Variants in METTL15 observed in about 807,000 individuals in gnomAD.
METTL15 encodes methyltransferase 15, mitochondrial 12S rRNA N4-cytidine.
In METTL15, 34 loss-of-function variants were observed where a neutral mutation model predicts 38.3. The ratio of observed to expected loss-of-function variants is 0.89; its 90% CI spans 0.68 to 1.18. The LOEUF (loss-of-function observed/expected upper bound fraction) is 1.18, where lower values mean the gene tolerates loss of function less well. Ranked by LOEUF, METTL15 falls within the 50% of genes most tolerant of loss-of-function variation. The pLI is 0.00. For synonymous variants in METTL15, 162 were observed against 170.9 expected, an observed-to-expected ratio of 0.95 and a Z score of 0.41; for missense variants, 438 against 498.4, an observed-to-expected ratio of 0.88 and a Z score of 1.15.
intron 4 of METTL15, among the ~76,000 whole-genome samples, chr11:28,251,495 G>T (rs536046378): frequency 6.6e-6 from 1 of 151,922 alleles, no homozygotes; most frequent in Non-Finnish European, 1.5e-5. Context: ...AGTCGTTACT[G>T]CAGGGCTCTG....
At chr11:28,378,157 G>T (rs980799779) in intron 5 of METTL15, among the ~76,000 whole-genome samples, 8 of 152,174 alleles carry the variant, frequency 5.3e-5, no homozygotes, top group Non-Finnish European at 1.2e-4. Context: ...AGGCAGGCAG[G>T]CCTCCTTGAG....
At chr11:28,422,688 A>G (rs1007263357) in intron 5 of METTL15, among the ~76,000 whole-genome samples, 35 of 152,080 alleles carry the variant, frequency 2.3e-4, no homozygotes, top group African/African-American at 8.4e-4. Context: ...CATATACAAA[A>G]ATAAAATCAA....
intron 4 of METTL15, among the ~76,000 whole-genome samples, chr11:28,273,007 A>G (rs1377441249): frequency 6.6e-6 from 1 of 152,194 alleles, no homozygotes. Flanking sequence ...CAACGTTTCT[A>G]TAATGATAAA....
intron 3 of METTL15, among the ~76,000 whole-genome samples, chr11:28,182,049 A>G (rs909673211): frequency 6.6e-6 from 1 of 152,124 alleles, no homozygotes; most frequent in Non-Finnish European, 1.5e-5. Context: ...GGCTGCATAA[A>G]TGTCTTCTCT....
chr11:28,174,603 A>G (rs1850982764), intron 3 of METTL15, among the ~76,000 whole-genome samples: 1 of 151,876 alleles, frequency 6.6e-6, no homozygotes, highest in Non-Finnish European at 1.5e-5. Flanking sequence ...TCACGAGGTC[A>G]GGAGATTGAG....
intron 3 of METTL15, among the ~76,000 whole-genome samples, chr11:28,190,670 A>T (rs1851668239): frequency 6.6e-6 from 1 of 151,242 alleles, no homozygotes; most frequent in Admixed American, 6.6e-5. Context: ...GCTTAGTATG[A>T]TGCTTATATA....
At chr11:28,410,090 CA>C (rs1425563985) in intron 5 of METTL15, among the ~76,000 whole-genome samples, 1 of 152,034 alleles carries the variant, frequency 6.6e-6, no homozygotes, top group African/African-American at 2.4e-5. Flanking sequence ...TTGAACATAT[CA>C]ATAACAAATA....
At chr11:28,181,137 C>T (rs1393573624) in intron 3 of METTL15, among the ~76,000 whole-genome samples, 7 of 150,556 alleles carry the variant, frequency 4.6e-5, no homozygotes, top group African/African-American at 1.2e-4. Context: ...AATGAGTAGT[C>T]GATTATAAAA....
chr11:28,134,398 GCT>G, intron 3 of METTL15: 1 of 395,974 alleles, frequency 2.5e-6, no homozygotes, highest in Admixed American at 4.4e-5. Flanking sequence ...GCGTATGTGG[GCT>G]CTTAGTTGGC....
intron 3 of METTL15, among the ~76,000 whole-genome samples, chr11:28,349,298 C>G (rs1364280503): frequency 4.6e-5 from 7 of 152,140 alleles, no homozygotes; most frequent in Non-Finnish European, 7.4e-5. Flanking sequence ...GGCCACCACA[C>G]CCCTTGCAGG....
chr11:28,117,530 A>T (rs1032237262), intron 3 of METTL15, among the ~76,000 whole-genome samples: 1 of 151,732 alleles, frequency 6.6e-6, no homozygotes, highest in Non-Finnish European at 1.5e-5. Context: ...CAAGTGGAAT[A>T]AAATTAGATA....
Position 28,113,313 on chromosome 11 carries a change from T to C in METTL15, c.-17-5T>C, listed in dbSNP as rs774489896. On this transcript the variant is annotated splice_region_variant and splice_polypyrimidine_tract_variant and intron_variant, in intron 2 of 6. Transcript: ENST00000407364. ...CAACAATCATATTTTAATTTTTTTTTCTAGATTTGTTTACCTACAAAATGC... is the reference window on the plus strand; with the variant it reads ...CAACAATCATATTTTAATTTTTTTTCCTAGATTTGTTTACCTACAAAATGC... The C allele has an allele frequency of 2.6e-6, 4 of 1,514,410 alleles. No individual in the cohort carries two copies. Among genetic ancestry groups the C allele is most frequent in the African/African-American group, 2.8e-5 (2 of 71,212 alleles). 93.8% of individuals were successfully genotyped at this position (1,514,410 alleles called of 1,614,324 possible).
chr11:28,367,734 C>A (rs1277513529), intron 5 of METTL15, among the ~76,000 whole-genome samples: 1 of 152,100 alleles, frequency 6.6e-6, no homozygotes, highest in African/African-American at 2.4e-5. Flanking sequence ...TAGCATGGTA[C>A]TGGTACCAAA....
chr11:28,241,538 A>G (rs1279686763), intron 4 of METTL15, among the ~76,000 whole-genome samples: 1 of 151,818 alleles, frequency 6.6e-6, no homozygotes, highest in Non-Finnish European at 1.5e-5. Flanking sequence ...CGTCTCAAAA[A>G]AAGAAAAAAA....
chr11:28,514,936 G>T (rs2133504636), intron 6 of METTL15, among the ~76,000 whole-genome samples: 1 of 152,336 alleles, frequency 6.6e-6, no homozygotes, highest in East Asian at 1.9e-4. Flanking sequence ...ATGCATTTGT[G>T]AAGAGCATAT....
At chr11:28,169,828 T>G (rs1320012490) in intron 3 of METTL15, among the ~76,000 whole-genome samples, 1 of 152,108 alleles carries the variant, frequency 6.6e-6, no homozygotes, top group Non-Finnish European at 1.5e-5. Flanking sequence ...ATAAGAATAA[T>G]TCTATTCTCT....
chr11:28,349,124 T>G (rs562214643), intron 3 of METTL15, among the ~76,000 whole-genome samples: 1 of 152,238 alleles, frequency 6.6e-6, no homozygotes, highest in Non-Finnish European at 1.5e-5. Context: ...AATAGCTCAC[T>G]CTAGTACCTT....
intron 4 of METTL15, among the ~76,000 whole-genome samples, chr11:28,214,123 G>A (rs568892891): frequency 1.3e-5 from 2 of 151,850 alleles, no homozygotes; most frequent in East Asian, 1.9e-4. Context: ...GCTTACTGCA[G>A]CCTCTGCTTC....
At chr11:28,241,471 T>C (rs1854293546) in intron 4 of METTL15, among the ~76,000 whole-genome samples, 1 of 151,434 alleles carries the variant, frequency 6.6e-6, no homozygotes, top group African/African-American at 2.4e-5. Flanking sequence ...GAGGCGGAGC[T>C]TGCAGTGAGC....
Sources: gnomAD v4.1 joint callset for allele counts (sites outside exome capture counted in the v4.1 genomes callset) on GRCh38, gnomAD v4.1.1 for gene constraint, MANE v1.5 for transcripts, NCBI Gene and HGNC (gene_info 2026-07-23, HGNC 2026-07-21) for gene names.